The following WDR41 variants were observed in gnomAD, a reference collection of about 807,000 sequenced individuals.
The protein encoded by WDR41 is WD repeat domain 41, also known as WD repeat-containing protein 41.
WDR41 carries 63 observed loss-of-function variants against 69.3 expected under a neutral mutation model. The observed-to-expected ratio is 0.91, with a 90% CI of 0.74 to 1.12. The LOEUF is 1.12. WDR41 is among the 50% of genes most tolerant of loss of function. WDR41 has a pLI of 0.00. For synonymous variants in WDR41, 185 were observed against 192.1 expected (o/e 0.96, Z 0.31); for missense variants, 543 against 534.5 (o/e 1.02, Z -0.16).
At chr5:77,459,193 CAATT>C (rs1324370647) in intron 4 of WDR41, 69 bp from the exon 5 acceptor site, 27 of 1,135,908 alleles carry the variant, frequency 2.4e-5, no homozygotes, top group Admixed American at 2.0e-4. Flanking sequence ...TTCTAATTAA[CAATT>C]AAGCCACAAA....
chr5:77,566,031 T>C (rs2112265392), intron 1 of WDR41, among the ~76,000 whole-genome samples: 1 of 152,254 alleles, frequency 6.6e-6, no homozygotes, highest in South Asian at 2.1e-4. Flanking sequence ...AACTCCTTGT[T>C]TAGACAAGGA....
chr5:77,592,772 A>G (rs1159203806), intron 1 of WDR41, among the ~76,000 whole-genome samples: 5 of 152,170 alleles, frequency 3.3e-5, no homozygotes, highest in Admixed American at 6.5e-5. Context: ...AAAACAGAGA[A>G]GCTCACCTGA....
rs181023954 is a variant in WDR41, at chr5:77,604,561, G to T, written c.42+15918C>A. ...GTGGAGGACGTTTTGTCCTTAAGTT[G>T]TTAAGCCCTTGTGGAGGATGTTTTG... On this transcript the variant is annotated intron_variant, in intron 1 of 5. Coordinates refer to the WDR41 transcript ENST00000509971. 2.3e-4 allele frequency among the ~76,000 whole-genome samples: 35 copies of T among 152,296 alleles called. 1 individual carries two copies. Among genetic ancestry groups the T allele is most frequent in the Admixed American group, 2.0e-3 (30 of 15,294 alleles).
In WDR41 at chr5:77,456,375, G is replaced by A. The variant is rs187147646; in HGVS notation, c.412-2447C>T. ...TAAATGGAATTGTTTCTTAATTTTTGGAATGTTCATTGCTAGTGAATAGAA... is the reference window on the plus strand; with the variant it reads ...TAAATGGAATTGTTTCTTAATTTTTAGAATGTTCATTGCTAGTGAATAGAA... On this transcript the variant is annotated intron_variant, in intron 5 of 12. Coordinates refer to ENST00000296679, the MANE Select transcript of WDR41 (RefSeq NM_018268.4). Among the ~76,000 whole-genome samples, 580 of 152,178 alleles carry A rather than the reference G, an allele frequency of 3.8e-3. 3 individuals carry two copies. Among genetic ancestry groups the A allele is most frequent in the South Asian group, 0.023 (109 of 4,810 alleles).
chr5:77,520,229 C>G (rs548064100), intron 1 of WDR41, among the ~76,000 whole-genome samples: 15 of 152,242 alleles, frequency 9.9e-5, no homozygotes, highest in African/African-American at 3.6e-4. Context: ...AAAGGGTCTA[C>G]GCTAATAAAC....
chr5:77,590,656 G>C (rs1325662628), intron 1 of WDR41, among the ~76,000 whole-genome samples: 1 of 152,200 alleles, frequency 6.6e-6, no homozygotes, highest in African/African-American at 2.4e-5. Flanking sequence ...AGGACAGCAA[G>C]GGGAAGAGCA....
At chr5:77,473,357 G>C (rs1285294627) in intron 2 of WDR41, among the ~76,000 whole-genome samples, 1 of 152,036 alleles carries the variant, frequency 6.6e-6, no homozygotes, top group African/African-American at 2.4e-5. Flanking sequence ...GAAAACCTAG[G>C]CAATACCATT....
chr5:77,519,449 T>A (rs1561213265), intron 1 of WDR41, among the ~76,000 whole-genome samples: 1 of 151,990 alleles, frequency 6.6e-6, no homozygotes, highest in East Asian at 1.9e-4. Flanking sequence ...CTCCAAGTAT[T>A]TAGTCTTTAT....
intron 1 of WDR41, among the ~76,000 whole-genome samples, chr5:77,555,290 C>T (rs764593194): frequency 6.6e-6 from 1 of 152,144 alleles, no homozygotes; most frequent in Non-Finnish European, 1.5e-5. Context: ...CTGCATATTA[C>T]TCTACAATTA....
intron 1 of WDR41, among the ~76,000 whole-genome samples, chr5:77,544,042 C>T (rs543384030): frequency 9.2e-5 from 14 of 152,138 alleles, no homozygotes; most frequent in South Asian, 6.2e-4. Context: ...ATTTTGTACC[C>T]GGTGAAATTA....
intron 2 of WDR41, among the ~76,000 whole-genome samples, chr5:77,472,175 T>C (rs985242805): frequency 5.3e-5 from 8 of 152,222 alleles, no homozygotes; most frequent in African/African-American, 1.2e-4. Context: ...ACAAAAACCA[T>C]ATGATTATCT....
intron 1 of WDR41, among the ~76,000 whole-genome samples, chr5:77,524,068 A>G (rs972992323): frequency 2.0e-5 from 3 of 152,230 alleles, no homozygotes; most frequent in Non-Finnish European, 4.4e-5. Flanking sequence ...ATTTCAGTCT[A>G]AAACAACAGT....
At chr5:77,498,816 C>CA (rs35946022) in intron 1 of WDR41, among the ~76,000 whole-genome samples, 7,700 of 87,296 alleles carry the variant, frequency 0.088, 339 homozygotes, top group South Asian at 0.19. Context: ...AAGACCCCAT[C>CA]AAAAAAAAAA....
At chr5:77,585,783 A>G (rs1485707658) in intron 1 of WDR41, among the ~76,000 whole-genome samples, 2 of 152,202 alleles carry the variant, frequency 1.3e-5, no homozygotes, top group African/African-American at 4.8e-5. Context: ...TGAGAATGCA[A>G]AGGCATAAGA....
chr5:77,434,162 C>A (rs1798844926), intron 12 of WDR41, among the ~76,000 whole-genome samples: 1 of 151,884 alleles, frequency 6.6e-6, no homozygotes, highest in African/African-American at 2.4e-5. Flanking sequence ...GAAACCCTGT[C>A]TATACTAAAA....
intron 2 of WDR41, among the ~76,000 whole-genome samples, chr5:77,483,143 A>G (rs1398462371): frequency 6.6e-6 from 1 of 151,694 alleles, no homozygotes. Context: ...CTGAAGTTTT[A>G]TTTTTCTTTT....
chr5:77,605,681 T>C (rs553758660), intron 1 of WDR41, among the ~76,000 whole-genome samples: 1 of 152,308 alleles, frequency 6.6e-6, no homozygotes, highest in African/African-American at 2.4e-5. Context: ...ACACAGCAGC[T>C]GGCTGGCCAG....
chr5:77,586,306 T>G (rs1375717774), intron 1 of WDR41, among the ~76,000 whole-genome samples: 3 of 151,600 alleles, frequency 2.0e-5, no homozygotes, highest in Non-Finnish European at 2.9e-5. Flanking sequence ...ATTTATGTAT[T>G]TATTTATTTA....
rs547495928 is a variant in WDR41, at chr5:77,440,971, C to A, written c.724G>T (p.Val242Phe). 3 of 1,613,172 alleles carry A rather than the reference C, an allele frequency of 1.9e-6. No individual in the cohort carries two copies. The highest frequency in any genetic ancestry group is 1.3e-5 in the African/African-American group (1 of 74,890). Residue 242 changes from valine (V) to phenylalanine (F), a missense_variant, in exon 9 of 13, where the codon GTC becomes TTC. Physicochemically the swap from Val to Phe is conservative, Grantham distance 50. Transcript: ENST00000296679. ...NDLSFVTGSH[V>F]GELIIWDALD... ...GCATCCCAGATGATCAGCTCTCCGACGTGGGAGCCGGTGACAAAACTCAAA... is the reference window on the plus strand; with the variant it reads ...GCATCCCAGATGATCAGCTCTCCGAAGTGGGAGCCGGTGACAAAACTCAAA...
Sources: gnomAD v4.1 joint callset for allele counts (sites outside exome capture counted in the v4.1 genomes callset) on GRCh38, gnomAD v4.1.1 for gene constraint, MANE v1.5 for transcripts, NCBI Gene and HGNC (gene_info 2026-07-23, HGNC 2026-07-21) for gene names.